The following SH3KBP1 variants were observed in gnomAD, a reference collection of about 807,000 sequenced individuals.
SH3KBP1 encodes SH3 domain containing kinase binding protein 1.
Under a neutral mutation model 50.1 loss-of-function variants are expected in SH3KBP1, and 8 were observed. The observed-to-expected ratio is 0.16, with a 90% CI of 0.09 to 0.29. The LOEUF is 0.29. Ranked by LOEUF, SH3KBP1 falls within the 10% of genes least tolerant of loss-of-function variation. The pLI, the probability that SH3KBP1 is intolerant of heterozygous loss-of-function variation, is 1.00. For missense variants in SH3KBP1, 377 were observed against 535.2 expected, an observed-to-expected ratio of 0.70 and a Z score of 2.92; for synonymous variants, 227 against 218.6, an observed-to-expected ratio of 1.04 and a Z score of -0.34.
chrX:19,544,283 G>C (rs2065024822), intron 15 of SH3KBP1, among the ~76,000 whole-genome samples: 1 of 111,131 alleles, frequency 9.0e-6, no homozygotes, highest in South Asian at 3.7e-4. Flanking sequence ...AGAGGGAAGA[G>C]GAACTGACAT....
intron 9 of SH3KBP1, among the ~76,000 whole-genome samples, chrX:19,605,188 G>C (rs1183194358): frequency 1.8e-5 from 2 of 110,320 alleles, no homozygotes; most frequent in Non-Finnish European, 3.8e-5. Context: ...ACATGACTGG[G>C]AATTAGAAGG....
chrX:19,825,429 C>T (rs765543198), intron 2 of SH3KBP1, among the ~76,000 whole-genome samples: 8 of 111,865 alleles, frequency 7.2e-5, no homozygotes, highest in Non-Finnish European at 1.1e-4. Flanking sequence ...ATAATGCTGC[C>T]CGCTTGAGCT....
At chrX:19,731,530 G>A (rs1335731239) in intron 3 of SH3KBP1, among the ~76,000 whole-genome samples, 1 of 111,220 alleles carries the variant, frequency 9.0e-6, no homozygotes, top group Admixed American at 9.6e-5. Flanking sequence ...CCAAGACCTA[G>A]GTTTAGTACT....
chrX:19,634,031 GGT>G (rs60109180), intron 7 of SH3KBP1, among the ~76,000 whole-genome samples: 2,210 of 32,020 alleles, frequency 0.069, 148 homozygotes, highest in East Asian at 0.082. Context: ...TTTGTTCCCT[GGT>G]GTGTGTGTGT....
intron 3 of SH3KBP1, among the ~76,000 whole-genome samples, chrX:19,741,660 C>T (rs1346591221): frequency 8.9e-6 from 1 of 111,842 alleles, no homozygotes; most frequent in East Asian, 2.8e-4. Flanking sequence ...GAAGTAAATA[C>T]AAGACACATC....
intron 13 of SH3KBP1, among the ~76,000 whole-genome samples, chrX:19,560,438 A>T (rs1303499480): frequency 1.8e-5 from 2 of 111,833 alleles, no homozygotes; most frequent in African/African-American, 6.5e-5. Flanking sequence ...ATAGACTGTG[A>T]CACTGCGCTG....
At chrX:19,881,563 G>A (rs184365400) in intron 1 of SH3KBP1, among the ~76,000 whole-genome samples, 3 of 111,964 alleles carry the variant, frequency 2.7e-5, no homozygotes, top group Admixed American at 9.4e-5. Flanking sequence ...GGCTTACAGT[G>A]TACCAGGCAC....
chrX:19,695,055 G>C, intron 5 of SH3KBP1: 3 of 1,191,963 alleles, frequency 2.5e-6, no homozygotes, highest in Non-Finnish European at 3.4e-6. Flanking sequence ...TCAGGCCCTG[G>C]AGAAAGAAAG....
chrX:19,697,175 A>C (rs1024580403), intron 4 of SH3KBP1, among the ~76,000 whole-genome samples: 3 of 112,244 alleles, frequency 2.7e-5, no homozygotes, highest in Non-Finnish European at 3.8e-5. Flanking sequence ...ATACATTTTC[A>C]ACTTATGATA....
intron 6 of SH3KBP1, among the ~76,000 whole-genome samples, chrX:19,674,685 T>C (rs980449042): frequency 8.9e-6 from 1 of 112,551 alleles, no homozygotes; most frequent in Admixed American, 9.4e-5. Flanking sequence ...ACTTACTTTC[T>C]AGTGGCTGAC....
At chrX:19,884,763 C>T (rs1408653868) in intron 1 of SH3KBP1, among the ~76,000 whole-genome samples, 1 of 111,832 alleles carries the variant, frequency 8.9e-6, no homozygotes, top group Non-Finnish European at 1.9e-5. Flanking sequence ...ACCATAATAT[C>T]TGTTTAATTG....
intron 6 of SH3KBP1, among the ~76,000 whole-genome samples, chrX:19,675,874 G>A (rs1024564516): frequency 5.4e-5 from 6 of 111,379 alleles, no homozygotes; most frequent in African/African-American, 2.0e-4. Context: ...TGTAATACTG[G>A]TTCACTGTTT....
At chrX:19,845,295 G>A (rs1250455564) in intron 1 of SH3KBP1, among the ~76,000 whole-genome samples, 1 of 108,621 alleles carries the variant, frequency 9.2e-6, no homozygotes, top group Non-Finnish European at 1.9e-5. Context: ...TGGCTAACAC[G>A]GTGAATCCCT....
intron 1 of SH3KBP1, among the ~76,000 whole-genome samples, chrX:19,853,324 T>A (rs2068560043): frequency 9.0e-6 from 1 of 111,463 alleles, no homozygotes; most frequent in Non-Finnish European, 1.9e-5. Context: ...GTGAGCTCAG[T>A]GGCCTGTGGC....
chrX:19,537,880 T>C, intron 16 of SH3KBP1, 100 bp from the exon 17 acceptor site: 1 of 687,844 alleles, frequency 1.5e-6, no homozygotes, highest in Non-Finnish European at 2.3e-6. Flanking sequence ...CTGATCCTTT[T>C]TTACAAAGAA....
At chrX:19,784,814 G>A in intron 2 of SH3KBP1, among the ~76,000 whole-genome samples, 1 of 110,110 alleles carries the variant, frequency 9.1e-6, no homozygotes, top group East Asian at 2.8e-4. Flanking sequence ...TCACCACGTG[G>A]GCCAGGCTGG....
rs193033880 is a variant in SH3KBP1, at chrX:19,641,726, A to C, written c.802+3674T>G. 6.2e-5 allele frequency among the ~76,000 whole-genome samples: 7 copies of C among 112,460 alleles called. No homozygotes were observed. The East Asian group carries it at 1.9e-3, about 31-fold the overall frequency. ...AGGGCTCTTAAAGTAGGTGTTTGGA[A>C]CATACTTTCGAAAGATGTTTCTTAC... On this transcript the variant is annotated intron_variant, in intron 7 of 17. Transcript: ENST00000397821.
chrX:19,799,744 C>T (rs1049456548), intron 2 of SH3KBP1: 1 of 1,196,304 alleles, frequency 8.4e-7, no homozygotes, highest in African/African-American at 1.8e-5. Flanking sequence ...GGAATAAGTT[C>T]CGTGCTCTCC....
At chrX:19,544,935 A>G (rs1391843561) in intron 15 of SH3KBP1, among the ~76,000 whole-genome samples, 1 of 111,959 alleles carries the variant, frequency 8.9e-6, no homozygotes, top group Admixed American at 9.5e-5. Flanking sequence ...ATGAAACTAT[A>G]CCTATGGTCA....
Sources: gnomAD v4.1 joint callset for allele counts (sites outside exome capture counted in the v4.1 genomes callset) on GRCh38, gnomAD v4.1.1 for gene constraint, MANE v1.5 for transcripts, NCBI Gene and HGNC (gene_info 2026-07-23, HGNC 2026-07-21) for gene names.